UGT1A7: variants seen among roughly 807,000 people sequenced by gnomAD.
UGT1A7 encodes UDP glucuronosyltransferase family 1 member A7, also known as UDP-glucuronosyltransferase 1A7.
A neutral mutation model predicts 45.6 loss-of-function variants in UGT1A7; 33 were observed. The observed-to-expected ratio is 0.72, with a 90% CI of 0.55 to 0.97. The LOEUF is 0.97. Among genes scored for constraint, UGT1A7 ranks in the 50% least tolerant of loss-of-function variants. UGT1A7 has a pLI of 0.00. For synonymous variants in UGT1A7, 274 were observed against 250.6 expected (o/e 1.09, Z -0.88); for missense variants, 684 against 666.2 (o/e 1.03, Z -0.29).
chr2:233,720,454 C>T (rs1295053597), intron 1 of UGT1A7, among the ~76,000 whole-genome samples: 1 of 152,034 alleles, frequency 6.6e-6, no homozygotes, highest in African/African-American at 2.4e-5. Flanking sequence ...CCCAGTGAAG[C>T]TGGGACCAGT....
intron 1 of UGT1A7, among the ~76,000 whole-genome samples, chr2:233,683,285 G>T (rs1053876282): frequency 3.3e-5 from 5 of 151,998 alleles, no homozygotes; most frequent in Non-Finnish European, 7.4e-5. Flanking sequence ...ATAAGTTAAA[G>T]ATATCTTTAC....
At chr2:233,755,176 G>A in intron 1 of UGT1A7, 1 of 1,238,182 alleles carries the variant, frequency 8.1e-7, no homozygotes, top group South Asian at 1.2e-5. Flanking sequence ...TTTTTGTCGG[G>A]GTGCCACTTG....
At chr2:233,694,003 G>A in intron 1 of UGT1A7, 1 of 1,487,488 alleles carries the variant, frequency 6.7e-7, no homozygotes, top group Non-Finnish European at 9.1e-7. Context: ...CCGGCTCGGA[G>A]CAGCGGGAAC....
At chr2:233,698,700 T>A (rs2075456458) in intron 1 of UGT1A7, among the ~76,000 whole-genome samples, 1 of 152,188 alleles carries the variant, frequency 6.6e-6, no homozygotes, top group Non-Finnish European at 1.5e-5. Context: ...CTAAAAAAAA[T>A]GTGCAAAGCC....
chr2:233,713,285 A>G lies in UGT1A7; in HGVS notation c.855+30493A>G, dbSNP rs762192447. 2.5e-6 allele frequency: 4 copies of G among 1,614,230 alleles called. 1 individual carries two copies. Among genetic ancestry groups the G allele is most frequent in the South Asian group, 2.2e-5 (2 of 91,084 alleles). ...ATCGCCTTTTGCTGGGTCACACTCA[A>G]TCGTTCTTTGAAACAGAACATCTTC... On this transcript the variant is annotated intron_variant, in intron 1 of 4. Transcript: ENST00000373426.
chr2:233,730,592 G>C (rs1017666778), intron 1 of UGT1A7, among the ~76,000 whole-genome samples: 3 of 152,138 alleles, frequency 2.0e-5, no homozygotes, highest in African/African-American at 7.2e-5. Flanking sequence ...ACAGGGATCT[G>C]TGCTGTCAAG....
Position 233,693,395 on chromosome 2 carries a change from C to T in UGT1A7, c.855+10603C>T, listed in dbSNP as rs377558341. On this transcript the variant is annotated intron_variant, in intron 1 of 4. Transcript: ENST00000373426. ...CTTCATCAACTGCCAGAGCCTCCTG[C>T]AGGACAGGGACACCCTGAACTTCTT... The T allele has an allele frequency of 2.5e-6, 4 of 1,614,046 alleles. No homozygotes were observed. In the African/African-American group the frequency reaches 4.0e-5, roughly 16 times the overall value.
At chr2:233,682,873 A>G (rs1025684504) in intron 1 of UGT1A7, 81 bp downstream of exon 1, 2 of 1,521,660 alleles carry the variant, frequency 1.3e-6, no homozygotes, top group Non-Finnish European at 1.8e-6. Flanking sequence ...ATAATTTATC[A>G]TTTACATTTG....
At chr2:233,747,507 C>A in intron 1 of UGT1A7, 2 of 1,608,136 alleles carry the variant, frequency 1.2e-6, no homozygotes, top group South Asian at 2.2e-5. Flanking sequence ...CCACACTCAA[C>A]TGTACTTTGA....
At chr2:233,739,807 G>T (rs527239626) in intron 1 of UGT1A7, among the ~76,000 whole-genome samples, 26 of 152,152 alleles carry the variant, frequency 1.7e-4, no homozygotes, top group African/African-American at 5.3e-4. Flanking sequence ...GGGAAGGCAT[G>T]ATTGGTTTTT....
chr2:233,772,237 A>G (rs1390917406), intron 4 of UGT1A7, 25 bp from the exon 5 acceptor site: 5 of 1,614,058 alleles, frequency 3.1e-6, no homozygotes, highest in Middle Eastern at 1.7e-4. Context: ...TGTTCCAGGC[A>G]TAACGAAACT....
At chr2:233,728,368 C>G (rs1168371708) in intron 1 of UGT1A7, among the ~76,000 whole-genome samples, 11 of 152,282 alleles carry the variant, frequency 7.2e-5, no homozygotes, top group African/African-American at 2.2e-4. Context: ...CTGAACCCAC[C>G]ATGGGTCTTT....
chr2:233,759,409 G>T (rs548037824), intron 1 of UGT1A7, among the ~76,000 whole-genome samples: 1 of 152,164 alleles, frequency 6.6e-6, no homozygotes, highest in African/African-American at 2.4e-5. Context: ...GTGACCTGTA[G>T]TAAGCAAAGG....
At chr2:233,733,460 C>T (rs1438150751) in intron 1 of UGT1A7, among the ~76,000 whole-genome samples, 1 of 152,094 alleles carries the variant, frequency 6.6e-6, no homozygotes, top group Non-Finnish European at 1.5e-5. Context: ...ATAAATAGCT[C>T]TTATTATTTT....
chr2:233,718,763 A>G (rs2076681520), intron 1 of UGT1A7: 3 of 1,612,572 alleles, frequency 1.9e-6, no homozygotes, highest in Non-Finnish European at 1.7e-6. Flanking sequence ...GGCGAAGGAA[A>G]CAAATGTAGC....
At chr2:233,733,770 T>C (rs1256243948) in intron 1 of UGT1A7, among the ~76,000 whole-genome samples, 2 of 152,350 alleles carry the variant, frequency 1.3e-5, no homozygotes, top group East Asian at 3.9e-4. Context: ...AATTTTCTTT[T>C]TTTGTTGTGT....
At position 233,682,476 on chromosome 2, in the gene UGT1A7, G is replaced by A; in HGVS notation, c.539G>A (p.Gly180Asp). ...ATATTTTGCCACTATCTTGAAGAAG[G>A]TGCACAGTGCCCTGCTCCTCTTTCC... Reference protein sequence around the residue: ...RGIFCHYLEEGAQCPAPLSYV... With the variant: ...RGIFCHYLEEDAQCPAPLSYV... The change falls in exon 1 of 5, where the codon GGT becomes GAT. Residue 180 changes from glycine to aspartate, a missense_variant. By Grantham distance (94) the Gly-to-Asp change is moderately conservative. Coordinates refer to ENST00000373426, the MANE Select transcript of UGT1A7 (RefSeq NM_019077.3). The A allele has an allele frequency of 6.2e-7, 1 of 1,613,894 alleles. No homozygotes were observed. The highest frequency in any genetic ancestry group is 8.5e-7 in the Non-Finnish European group (1 of 1,179,850).
chr2:233,695,753 C>T (rs1452748853), intron 1 of UGT1A7, among the ~76,000 whole-genome samples: 1 of 152,168 alleles, frequency 6.6e-6, no homozygotes, highest in Non-Finnish European at 1.5e-5. Flanking sequence ...GACAGGTCTT[C>T]ATCCTTTTTT....
At chr2:233,684,901 G>GT (rs1241659927) in intron 1 of UGT1A7, among the ~76,000 whole-genome samples, 1 of 152,076 alleles carries the variant, frequency 6.6e-6, no homozygotes, top group Non-Finnish European at 1.5e-5. Context: ...AAAGTATACA[G>GT]TTTTTTGTAC....
Sources: allele counts gnomAD v4.1 joint callset (sites outside exome capture counted in the v4.1 genomes callset), GRCh38; gene constraint gnomAD v4.1.1; transcripts MANE v1.5; gene names NCBI Gene and HGNC (gene_info 2026-07-23, HGNC 2026-07-21).